The following APLF variants were observed in gnomAD, a reference collection of about 807,000 sequenced individuals.
APLF encodes the protein aprataxin and PNK-like factor.
A neutral mutation model predicts 55.6 loss-of-function variants in APLF; 61 were observed. The ratio of observed to expected loss-of-function variants is 1.10; its 90% CI spans 0.89 to 1.36. The LOEUF is 1.36. Among genes scored for constraint, APLF ranks in the 40% most tolerant of loss-of-function variants. The pLI is 0.00. For missense variants in APLF, 611 were observed against 602.5 expected, an observed-to-expected ratio of 1.01 and a Z score of -0.15; for synonymous variants, 207 against 214.8, an observed-to-expected ratio of 0.96 and a Z score of 0.32.
chr2:68,530,529 A>G (rs1670225393), intron 6 of APLF, among the ~76,000 whole-genome samples: 1 of 152,170 alleles, frequency 6.6e-6, no homozygotes, highest in African/African-American at 2.4e-5. Context: ...CCTAAAAGAA[A>G]TTTGCCAGTG....
chr2:68,537,712 C>T (rs1670433979), intron 6 of APLF, among the ~76,000 whole-genome samples, 160 bp from the exon 7 acceptor site: 1 of 152,144 alleles, frequency 6.6e-6, no homozygotes, highest in Admixed American at 6.6e-5. Flanking sequence ...AGTTATTAAA[C>T]TAAGCGCATA....
chr2:68,542,075 A>C (rs2104012519), intron 7 of APLF, among the ~76,000 whole-genome samples: 1 of 152,368 alleles, frequency 6.6e-6, no homozygotes, highest in East Asian at 1.9e-4. Context: ...GTGCTCAGAA[A>C]ACTGCATATT....
intron 1 of APLF, among the ~76,000 whole-genome samples, chr2:68,478,005 A>T (rs1275426970): frequency 2.8e-5 from 4 of 141,878 alleles, no homozygotes; most frequent in East Asian, 2.0e-4. Context: ...ATCACTCTTT[A>T]AAAAAAAAAA....
rs143320835 is a variant in APLF at position 68,476,049 on chromosome 2, C to T, written c.96+8222C>T. Among the ~76,000 whole-genome samples the T allele has an allele frequency of 6.0e-5, 9 of 151,086 alleles. No homozygotes were observed. The East Asian group carries it at 1.2e-3, about 20-fold the overall frequency. ...TAGATGACTTTCTGTTTTTCTCTAC[C>T]ATGAAAATTTGAATTTGTCTATTTT... On this transcript the variant is annotated intron_variant, in intron 1 of 9. Coordinates refer to ENST00000303795, the MANE Select transcript of APLF (RefSeq NM_173545.3).
At chr2:68,478,147 C>A (rs780483706) in intron 1 of APLF, among the ~76,000 whole-genome samples, 3 of 148,056 alleles carry the variant, frequency 2.0e-5, no homozygotes, top group Non-Finnish European at 3.0e-5. Flanking sequence ...TCCCAAAAAG[C>A]AGAGAAAAAT....
At chr2:68,541,663 A>G (rs1325940139) in intron 7 of APLF, among the ~76,000 whole-genome samples, 1 of 152,216 alleles carries the variant, frequency 6.6e-6, no homozygotes, top group Non-Finnish European at 1.5e-5. Flanking sequence ...GCCACTGCTT[A>G]ATTATGCTGT....
In APLF at chr2:68,500,096, A is replaced by G. The variant is rs547197004; in HGVS notation, c.169-2635A>G. Among the ~76,000 whole-genome samples, 11 of 152,174 alleles carry G rather than the reference A, an allele frequency of 7.2e-5. No individual in the cohort carries two copies. In the South Asian group the frequency reaches 2.1e-3, roughly 29 times the overall value. ...TTTATTAATATTGTTAGGTTTTTGT[A>G]TACTTTGTAACTTTTTAAAAGCTAC... On this transcript the variant is annotated intron_variant, in intron 2 of 9. Coordinates refer to ENST00000303795, the MANE Select transcript of APLF (RefSeq NM_173545.3).
chr2:68,578,324 C>G lies in APLF; in HGVS notation c.*302C>G. 3 of 1,054,828 alleles carry G rather than the reference C, an allele frequency of 2.8e-6. No individual in the cohort carries two copies. The highest frequency in any genetic ancestry group is 3.4e-6 in the Non-Finnish European group (3 of 872,806). The allele number at this position is 1,054,828 out of a possible 1,614,324, so 65.3% of individuals were successfully genotyped here. A position where few individuals can be genotyped will look rare whatever the true frequency, so the allele number is the denominator to read the frequency against. On this transcript the variant is annotated 3_prime_UTR_variant, in exon 10 of 10. Transcript: ENST00000303795. Reference sequence around the variant, plus strand: ...TATATTGGTAATAAAAAGTAAAAGCCATAGGTTGCATAAAACTTTGGTCTT... The same window carrying G: ...TATATTGGTAATAAAAAGTAAAAGCGATAGGTTGCATAAAACTTTGGTCTT...
intron 8 of APLF, among the ~76,000 whole-genome samples, chr2:68,560,955 C>T (rs577764137): frequency 3.4e-4 from 52 of 151,754 alleles, no homozygotes; most frequent in African/African-American, 1.1e-3. Context: ...AACTGACTTT[C>T]GAAAATGGAA....
At chr2:68,496,006 TG>T (rs1476441420) in intron 2 of APLF, among the ~76,000 whole-genome samples, 1 of 152,264 alleles carries the variant, frequency 6.6e-6, no homozygotes, top group African/African-American at 2.4e-5. Flanking sequence ...CTTAGGCCTC[TG>T]GGCCTGTGAT....
rs180682373 is a variant in APLF, at chr2:68,580,141, A to T, written c.*2119A>T. On this transcript the variant is annotated 3_prime_UTR_variant, in exon 10 of 10. Coordinates refer to ENST00000303795, the MANE Select transcript of APLF (RefSeq NM_173545.3). The stretch of plus-strand genomic sequence containing the variant: ...CACTTTTGAGTATAACTATTGTATA[A>T]ATAAATGTATAGCTTAATTGACTGA... 2.6e-5 allele frequency: 24 copies of T among 926,468 alleles called. No individual in the cohort carries two copies. In the East Asian group the frequency reaches 2.7e-3, roughly 104 times the overall value. 57.4% of individuals were successfully genotyped at this position (926,468 alleles called of 1,614,324 possible).
intron 1 of APLF, among the ~76,000 whole-genome samples, chr2:68,478,478 T>C (rs1250479809): frequency 6.6e-6 from 1 of 152,230 alleles, no homozygotes; most frequent in Admixed American, 6.5e-5. Context: ...AAAGCCATTA[T>C]GTGACAACTT....
intron 3 of APLF, among the ~76,000 whole-genome samples, chr2:68,503,552 A>C (rs920153698): frequency 3.9e-5 from 6 of 152,166 alleles, no homozygotes; most frequent in African/African-American, 1.4e-4. Flanking sequence ...AATCATTAAC[A>C]ATAAAATAGC....
intron 8 of APLF, among the ~76,000 whole-genome samples, chr2:68,562,934 C>T (rs1428888468): frequency 6.6e-6 from 1 of 151,952 alleles, no homozygotes; most frequent in Non-Finnish European, 1.5e-5. Context: ...TGTTTGGGCT[C>T]ATTTTCTTGT....
intron 7 of APLF, among the ~76,000 whole-genome samples, chr2:68,542,564 A>G (rs749544917): frequency 4.6e-5 from 7 of 152,186 alleles, no homozygotes; most frequent in African/African-American, 9.7e-5. Flanking sequence ...CAACATCACT[A>G]AACATTAGGG....
intron 1 of APLF, among the ~76,000 whole-genome samples, chr2:68,489,749 A>G (rs562294832): frequency 6.6e-6 from 1 of 152,136 alleles, no homozygotes; most frequent in East Asian, 1.9e-4. Flanking sequence ...ACCCTTTTAC[A>G]CTTACCAGAT....
At chr2:68,493,223 G>C (rs1300661026) in intron 2 of APLF, among the ~76,000 whole-genome samples, 1 of 152,124 alleles carries the variant, frequency 6.6e-6, no homozygotes, top group African/African-American at 2.4e-5. Flanking sequence ...CCTTAGATTT[G>C]GACTTATGTA....
At chr2:68,489,281 A>G (rs1676281674) in intron 1 of APLF, among the ~76,000 whole-genome samples, 1 of 152,170 alleles carries the variant, frequency 6.6e-6, no homozygotes, top group South Asian at 2.1e-4. Context: ...TCTATTTTTT[A>G]CTGATAATTT....
chr2:68,519,137 TTTTATA>T (rs1453415724), intron 5 of APLF, among the ~76,000 whole-genome samples: 84 of 134,982 alleles, frequency 6.2e-4, no homozygotes, highest in African/African-American at 2.2e-3. Flanking sequence ...TAATTTGACA[TTTTATA>T]TATATATAAA....
Sources: gnomAD v4.1 joint callset for allele counts (sites outside exome capture counted in the v4.1 genomes callset) on GRCh38, gnomAD v4.1.1 for gene constraint, MANE v1.5 for transcripts, NCBI Gene and HGNC (gene_info 2026-07-23, HGNC 2026-07-21) for gene names.